FAN1: variants seen among roughly 807,000 people sequenced by gnomAD.
The protein encoded by FAN1 is FANCD2 and FANCI associated nuclease 1, also known as fanconi-associated nuclease 1.
In FAN1, 91 loss-of-function variants were observed where a neutral mutation model predicts 104.9. The ratio of observed to expected loss-of-function variants is 0.87; its 90% CI spans 0.73 to 1.03. The LOEUF is 1.03. Ranked by LOEUF, FAN1 falls within the 50% of genes least tolerant of loss-of-function variation. FAN1 has a pLI of 0.00. For synonymous variants in FAN1, 478 were observed against 457.6 expected, an observed-to-expected ratio of 1.04 and a Z score of -0.57; for missense variants, 1,263 against 1,239.9, an observed-to-expected ratio of 1.02 and a Z score of -0.28.
At chr15:30,935,536 A>G (rs574744068) in intron 13 of FAN1, among the ~76,000 whole-genome samples, 10 of 152,336 alleles carry the variant, frequency 6.6e-5, no homozygotes, top group African/African-American at 2.4e-4. Flanking sequence ...ATTAGGTATT[A>G]TAAGTAGAGA....
chr15:30,905,347 A>T lies in FAN1; in HGVS notation c.684A>T (p.Glu228Asp). The T allele has an allele frequency of 6.2e-7, 1 of 1,613,960 alleles. No homozygotes were observed. The highest frequency in any genetic ancestry group is 8.5e-7 in the Non-Finnish European group (1 of 1,179,916). Residue 228 changes from glutamate to aspartate, a missense_variant, in exon 2 of 15, where the codon GAA (glutamate) becomes GAT (aspartate). Physicochemically the swap from Glu to Asp is conservative, Grantham distance 45. This residue lies in a region of FAN1 where 682 missense variants were observed against 571.1 expected (regional missense o/e 1.19). Coordinates refer to ENST00000362065, the MANE Select transcript of FAN1 (RefSeq NM_014967.5). ...CDSLKEECIPEHMVRGSKIME... is the reference protein window; with the variant it reads ...CDSLKEECIPDHMVRGSKIME... The stretch of plus-strand genomic sequence containing the variant: ...CTCTAAAGGAAGAGTGCATTCCTGA[A>T]CATATGGTAAGAGGAAGTAAAATAA...
intron 4 of FAN1, among the ~76,000 whole-genome samples, chr15:30,912,824 G>GC (rs1234666922): frequency 6.6e-6 from 1 of 152,154 alleles, no homozygotes; most frequent in Non-Finnish European, 1.5e-5. Flanking sequence ...TTACAGGACA[G>GC]CCCCTGACAA....
chr15:30,919,883 G>C (rs2062283004), intron 6 of FAN1, among the ~76,000 whole-genome samples: 1 of 152,128 alleles, frequency 6.6e-6, no homozygotes, highest in African/African-American at 2.4e-5. Flanking sequence ...CCACATATAA[G>C]TGGACGTGTG....
At chr15:30,929,578 A>G (rs1383894664) in intron 12 of FAN1, among the ~76,000 whole-genome samples, 181 bp downstream of exon 12, 2 of 126,020 alleles carry the variant, frequency 1.6e-5, no homozygotes, top group Non-Finnish European at 3.3e-5. Context: ...TATTATATTT[A>G]TTATATTATA....
rs769030646 is a variant in FAN1 at position 30,904,951 on chromosome 15, T to C, written c.288T>C (p.Asp96=). 10 of 1,613,820 alleles carry C rather than the reference T, an allele frequency of 6.2e-6. No homozygotes were observed. In the African/African-American group the frequency reaches 1.3e-4, roughly 22 times the overall value. ...ATTTAACCAGTGTTACCTTAGAAGA[T>C]GTAACACCTAAGAAGTCACCACCAC... ...MVDLTSVTLE[D]VTPKKSPPPK... is the part of the protein sequence containing the mutation. The change falls in exon 2 of 15, where the codon GAT becomes GAC. Residue 96 remains aspartate, a synonymous_variant. Coordinates refer to ENST00000362065, the MANE Select transcript of FAN1 (RefSeq NM_014967.5).
At chr15:30,940,343 C>A (rs1175561068) in intron 14 of FAN1, 4 of 985,350 alleles carry the variant, frequency 4.1e-6, no homozygotes, top group Non-Finnish European at 4.8e-6. Flanking sequence ...ACTTTGCTGT[C>A]CAAAGTTGGG....
intron 5 of FAN1, among the ~76,000 whole-genome samples, chr15:30,914,841 A>T (rs925672170): frequency 6.6e-6 from 1 of 152,190 alleles, no homozygotes; most frequent in African/African-American, 2.4e-5. Context: ...TAAATTAGAA[A>T]TTTTCACTAA....
intron 13 of FAN1, 58 bp downstream of exon 13, chr15:30,930,729 G>A (rs2140955518): frequency 6.3e-7 from 1 of 1,590,086 alleles, no homozygotes; most frequent in Non-Finnish European, 8.6e-7. Context: ...CTGAATCAGA[G>A]GCCACAAGTA....
At chr15:30,918,017 T>C in intron 5 of FAN1, 147 bp from the exon 6 acceptor site, 1 of 749,116 alleles carries the variant, frequency 1.3e-6, no homozygotes, top group South Asian at 1.9e-5. Flanking sequence ...TTGGTTAAGA[T>C]AAATTATTAT....
chr15:30,935,484 C>A (rs1380293034), intron 13 of FAN1, among the ~76,000 whole-genome samples: 1 of 151,906 alleles, frequency 6.6e-6, no homozygotes, highest in African/African-American at 2.4e-5. Flanking sequence ...ATAAACAAAT[C>A]AAATAAAAAT....
chr15:30,933,691 C>G (rs961142664), intron 13 of FAN1, among the ~76,000 whole-genome samples: 37 of 151,186 alleles, frequency 2.4e-4, no homozygotes, highest in African/African-American at 8.5e-4. Context: ...TTCTTATTTA[C>G]TTGTTCTATA....
chr15:30,921,755 G>C (rs137982768), intron 7 of FAN1, among the ~76,000 whole-genome samples: 1 of 152,334 alleles, frequency 6.6e-6, no homozygotes, highest in Non-Finnish European at 1.5e-5. Flanking sequence ...CGAACAGTCT[G>C]TACATAATCT....
intron 11 of FAN1, 48 bp from the exon 12 acceptor site, chr15:30,929,155 C>A: frequency 6.4e-7 from 1 of 1,557,028 alleles, no homozygotes; most frequent in Non-Finnish European, 8.8e-7. Flanking sequence ...CTGGTGAACA[C>A]GGCTCTCTGC....
At chr15:30,925,679 A>T in intron 9 of FAN1, 110 bp from the exon 10 acceptor site, 1 of 1,235,298 alleles carries the variant, frequency 8.1e-7, no homozygotes, top group Non-Finnish European at 1.2e-6. Flanking sequence ...GTGCTCTACT[A>T]AGTGACTGAC....
chr15:30,928,117 A>G (rs2062511804), intron 10 of FAN1: 2 of 1,003,898 alleles, frequency 2.0e-6, no homozygotes, highest in African/African-American at 3.5e-5. Flanking sequence ...AGGTCCCCTT[A>G]GGGAAGCATT....
At chr15:30,926,086 C>G in intron 10 of FAN1, 147 bp downstream of exon 10, 1 of 786,118 alleles carries the variant, frequency 1.3e-6, no homozygotes, top group Non-Finnish European at 2.1e-6. Flanking sequence ...TCTTCCTATT[C>G]TTCCCCTTAT....
chr15:30,923,872 C>T (rs1337780514), intron 8 of FAN1, among the ~76,000 whole-genome samples: 1 of 152,108 alleles, frequency 6.6e-6, no homozygotes, highest in African/African-American at 2.4e-5. Context: ...TAAAATACAG[C>T]ATTTTAGCCA....
chr15:30,932,203 C>T (rs375690683), intron 13 of FAN1, among the ~76,000 whole-genome samples: 266 of 112,170 alleles, frequency 2.4e-3, no homozygotes, highest in African/African-American at 9.1e-3. Flanking sequence ...GCCTGGGCAA[C>T]AGAGCGAGAC....
chr15:30,919,247 G>A (rs549923324), intron 6 of FAN1, among the ~76,000 whole-genome samples: 61 of 151,878 alleles, frequency 4.0e-4, no homozygotes, highest in Non-Finnish European at 7.5e-4. Flanking sequence ...AGGCCTGGTG[G>A]TGCCTGCCTG....
Sources: gnomAD v4.1 joint callset for allele counts (sites outside exome capture counted in the v4.1 genomes callset) on GRCh38, gnomAD v4.1.1 for gene constraint, gnomAD v4.1.1 regional missense constraint, MANE v1.5 for transcripts, NCBI Gene and HGNC (gene_info 2026-07-23, HGNC 2026-07-21) for gene names.